MAN1A2: variants seen among roughly 807,000 people sequenced by gnomAD.
The protein encoded by MAN1A2 is mannosyl-oligosaccharide 1,2-alpha-mannosidase IB.
Under a neutral mutation model 75.7 loss-of-function variants are expected in MAN1A2, and 26 were observed. The ratio of observed to expected loss-of-function variants is 0.34; its 90% CI spans 0.25 to 0.48. MAN1A2 has a LOEUF of 0.48. Among genes scored for constraint, MAN1A2 ranks in the 20% least tolerant of loss-of-function variants. The pLI, the probability that MAN1A2 is intolerant of heterozygous loss-of-function variation, is 0.99. For synonymous variants in MAN1A2, 247 were observed against 264.6 expected (o/e 0.93, Z 0.65); for missense variants, 562 against 775.5 (o/e 0.72, Z 3.27).
At chr1:117,370,770 A>AGTGTGT (rs1652935846) in intron 1 of MAN1A2, among the ~76,000 whole-genome samples, 1 of 72,556 alleles carries the variant, frequency 1.4e-5, no homozygotes, top group African/African-American at 4.7e-5. Context: ...TGTGTGTGTA[A>AGTGTGT]GGGTACAGGA....
chr1:117,397,490 A>T (rs1375916349), intron 1 of MAN1A2, among the ~76,000 whole-genome samples: 5 of 152,160 alleles, frequency 3.3e-5, no homozygotes, highest in Admixed American at 6.5e-5. Context: ...ACACGAAGTT[A>T]ATAGCAATAG....
At chr1:117,418,091 C>G (rs1200603363) in intron 4 of MAN1A2, among the ~76,000 whole-genome samples, 1 of 152,064 alleles carries the variant, frequency 6.6e-6, no homozygotes, top group Non-Finnish European at 1.5e-5. Flanking sequence ...ACTCATCCCC[C>G]TTTTGTTTTA....
chr1:117,376,060 C>T (rs1356283851), intron 1 of MAN1A2, among the ~76,000 whole-genome samples: 1 of 151,980 alleles, frequency 6.6e-6, no homozygotes, highest in Non-Finnish European at 1.5e-5. Context: ...TACAGGCGCC[C>T]GCCACCACGC....
chr1:117,405,410 C>A (rs1272300979), intron 2 of MAN1A2, 139 bp from the exon 3 acceptor site: 1 of 634,310 alleles, frequency 1.6e-6, no homozygotes, highest in South Asian at 1.9e-5. Context: ...CATACTGATA[C>A]AAATGCTAAT....
intron 6 of MAN1A2, among the ~76,000 whole-genome samples, chr1:117,445,033 A>C (rs1042059827): frequency 6.6e-6 from 1 of 152,066 alleles, no homozygotes; most frequent in Non-Finnish European, 1.5e-5. Context: ...ATTTCCTTCT[A>C]TTCCTATTTC....
At chr1:117,384,531 T>C (rs1653456389) in intron 1 of MAN1A2, among the ~76,000 whole-genome samples, 1 of 152,192 alleles carries the variant, frequency 6.6e-6, no homozygotes, top group South Asian at 2.1e-4. Context: ...TGGTCTGTCC[T>C]GGAGAATATT....
intron 1 of MAN1A2, among the ~76,000 whole-genome samples, chr1:117,376,454 C>A (rs937997073): frequency 5.9e-5 from 9 of 152,230 alleles, no homozygotes; most frequent in Non-Finnish European, 1.3e-4. Context: ...ACCCTGCTAA[C>A]GTGGTACAAA....
At chr1:117,430,372 A>AC in intron 5 of MAN1A2, among the ~76,000 whole-genome samples, 1 of 81,884 alleles carries the variant, frequency 1.2e-5, no homozygotes. Context: ...CACTTCCCAG[A>AC]TGGGGTGGCT....
chr1:117,520,752 A>G (rs1454538502), intron 12 of MAN1A2, among the ~76,000 whole-genome samples: 3 of 152,216 alleles, frequency 2.0e-5, no homozygotes, highest in Non-Finnish European at 2.9e-5. Context: ...GCCAAAAGCA[A>G]TCTACAAATT....
intron 1 of MAN1A2, among the ~76,000 whole-genome samples, chr1:117,399,193 C>A (rs1647326393): frequency 1.3e-5 from 2 of 152,092 alleles, no homozygotes; most frequent in African/African-American, 4.8e-5. Flanking sequence ...ATGTCTTGCC[C>A]CCCACAGGGT....
rs530354739 is a variant in MAN1A2 at position 117,519,796 on chromosome 1, A to G, written c.1794-3029A>G. 2.0e-5 allele frequency among the ~76,000 whole-genome samples: 3 copies of G among 152,212 alleles called. No individual in the cohort carries two copies. The South Asian group carries it at 6.2e-4, about 32-fold the overall frequency. ...TCCTTTTGACACTATTCCGCAAGAC[A>G]GAGAAAGAAGTAACCCTCCCTAATT... On this transcript the variant is annotated intron_variant, in intron 12 of 12. Transcript: ENST00000356554.
intron 5 of MAN1A2, among the ~76,000 whole-genome samples, chr1:117,434,120 C>G (rs762116860): frequency 5.9e-5 from 9 of 152,108 alleles, no homozygotes; most frequent in African/African-American, 1.9e-4. Flanking sequence ...TTACTATTTC[C>G]TAAGATTCTC....
At chr1:117,405,194 G>A (rs922152883) in intron 2 of MAN1A2, among the ~76,000 whole-genome samples, 2 of 152,184 alleles carry the variant, frequency 1.3e-5, no homozygotes, top group Non-Finnish European at 2.9e-5. Flanking sequence ...TAGCTAGGGT[G>A]AGTTAATTGG....
chr1:117,484,242 T>C (rs1650593055), intron 8 of MAN1A2, among the ~76,000 whole-genome samples: 1 of 151,768 alleles, frequency 6.6e-6, no homozygotes, highest in Non-Finnish European at 1.5e-5. Context: ...GAAGAGAAAA[T>C]ACATACACAG....
intron 1 of MAN1A2, among the ~76,000 whole-genome samples, chr1:117,397,643 C>T (rs1647225829): frequency 8.4e-6 from 1 of 118,840 alleles, no homozygotes; most frequent in African/African-American, 2.9e-5. Context: ...GTTTATAACC[C>T]CCTTTTTTTT....
intron 1 of MAN1A2, among the ~76,000 whole-genome samples, chr1:117,392,229 C>T (rs1178196713): frequency 1.3e-5 from 2 of 152,002 alleles, no homozygotes; most frequent in African/African-American, 2.4e-5. Context: ...GAGCTTTTGT[C>T]TTCTCTAGCT....
chr1:117,449,647 C>T (rs565000766), intron 6 of MAN1A2, among the ~76,000 whole-genome samples: 9 of 151,806 alleles, frequency 5.9e-5, no homozygotes, highest in South Asian at 2.1e-4. Context: ...GCCTCTTGTG[C>T]CAAACAGTCC....
intron 1 of MAN1A2, among the ~76,000 whole-genome samples, chr1:117,379,965 C>T (rs1414698914): frequency 6.6e-6 from 1 of 151,974 alleles, no homozygotes; most frequent in South Asian, 2.1e-4. Flanking sequence ...CGCCTATATT[C>T]GTTTTGAGTA....
intron 1 of MAN1A2, among the ~76,000 whole-genome samples, chr1:117,373,516 G>T (rs1653041183): frequency 1.4e-5 from 2 of 138,580 alleles, no homozygotes; most frequent in Admixed American, 7.4e-5. Context: ...TACATTCTGT[G>T]GTCCAGGCTG....
Sources: gnomAD v4.1 joint callset for allele counts (sites outside exome capture counted in the v4.1 genomes callset) on GRCh38, gnomAD v4.1.1 for gene constraint, MANE v1.5 for transcripts, NCBI Gene and HGNC (gene_info 2026-07-23, HGNC 2026-07-21) for gene names.